The following CACNA1A variants were observed in gnomAD, a reference collection of about 807,000 sequenced individuals.
CACNA1A encodes the protein calcium voltage-gated channel subunit alpha1 A, also known as voltage-dependent P/Q-type calcium channel subunit alpha-1A.
In CACNA1A, 57 loss-of-function variants were observed where a neutral mutation model predicts 262.4. The observed-to-expected ratio is 0.22, with a 90% CI of 0.18 to 0.27. The LOEUF is 0.27. Ranked by LOEUF, CACNA1A falls within the 10% of genes least tolerant of loss-of-function variation. CACNA1A has a pLI of 1.00. For synonymous variants in CACNA1A, 1,431 were observed against 1,419.3 expected (o/e 1.01, Z -0.18); for missense variants, 2,526 against 3,562.8 (o/e 0.71, Z 7.41).
In CACNA1A at chr19:13,415,109, G is replaced by A. The variant is rs988939642; in HGVS notation, c.539+37767C>T. On this transcript the variant is annotated intron_variant, in intron 3 of 46. Transcript: ENST00000360228. ...TGGGATGAGGAGGGCATAGGAGATGGGCTGTATTCCCAGGGAGCTTAAAGG... is the reference window on the plus strand; with the variant it reads ...TGGGATGAGGAGGGCATAGGAGATGAGCTGTATTCCCAGGGAGCTTAAAGG... Among the ~76,000 whole-genome samples the A allele has an allele frequency of 2.0e-5, 3 of 152,034 alleles. No homozygotes were observed. In the East Asian group the frequency reaches 5.8e-4, roughly 29 times the overall value.
intron 22 of CACNA1A, among the ~76,000 whole-genome samples, chr19:13,280,495 C>T (rs1231044452): frequency 1.3e-5 from 2 of 151,966 alleles, no homozygotes; most frequent in Non-Finnish European, 2.9e-5. Flanking sequence ...ATCTGGCCTC[C>T]TGGAGAAATT....
chr19:13,503,744 G>A (rs964648334), intron 1 of CACNA1A, among the ~76,000 whole-genome samples: 1 of 151,582 alleles, frequency 6.6e-6, no homozygotes, highest in Non-Finnish European at 1.5e-5. Context: ...TCCAGAGTAG[G>A]GCTGTATAAT....
intron 3 of CACNA1A, among the ~76,000 whole-genome samples, chr19:13,410,460 G>A (rs1452932824): frequency 1.3e-5 from 2 of 151,268 alleles, no homozygotes; most frequent in African/African-American, 4.9e-5. Flanking sequence ...TCAAATTCCC[G>A]AGGTCTCAGC....
In CACNA1A at chr19:13,235,047, G is replaced by A. The variant is rs41276882; in HGVS notation, c.5134-11C>T. 2.6e-5 allele frequency: 41 copies of A among 1,597,982 alleles called. No individual in the cohort carries two copies. In the Middle Eastern group the frequency reaches 5.0e-4, roughly 19 times the overall value. On this transcript the variant is annotated splice_polypyrimidine_tract_variant and intron_variant, in intron 33 of 46. Transcript: ENST00000360228. ...AATGTTACCAAACACCTGTGGAATT[G>A]GAGGGTGACGACCAGGGGCTGCCAT...
intron 34 of CACNA1A, among the ~76,000 whole-genome samples, chr19:13,233,074 C>G (rs557527916): frequency 6.6e-6 from 1 of 151,984 alleles, no homozygotes; most frequent in African/African-American, 2.4e-5. Context: ...AAAAAGCTCC[C>G]CTCCATGAAG....
chr19:13,308,694 A>G lies in CACNA1A; in HGVS notation c.1669-166T>C, dbSNP rs2057957106. On this transcript the variant is annotated intron_variant, in intron 12 of 46. Transcript: ENST00000360228. This position sits in a 1 kb window ranked among gnomAD's most constrained non-coding sequence, Gnocchi z 4.2. Reference sequence around the variant, plus strand: ...CTCATTCATCCATTCATTTATCTATAGAGACCGGGTCTCACTGTGTCACCC... The same window carrying G: ...CTCATTCATCCATTCATTTATCTATGGAGACCGGGTCTCACTGTGTCACCC... The G allele has an allele frequency of 1.8e-6, 1 of 558,980 alleles. No individual in the cohort carries two copies. The allele number at this position is 558,980 out of a possible 1,614,324, so 34.6% of individuals were successfully genotyped here.
rs144749599 is a variant in CACNA1A, at chr19:13,427,635, A to G, written c.539+25241T>C. On this transcript the variant is annotated intron_variant, in intron 3 of 46. Coordinates refer to ENST00000360228, the MANE Select transcript of CACNA1A (RefSeq NM_001127222.2). ...TGCTTTGATCTCTCTCTCTCCATAAAATGTGGATCATGAAAAACAACCCTT... is the reference window on the plus strand; with the variant it reads ...TGCTTTGATCTCTCTCTCTCCATAAGATGTGGATCATGAAAAACAACCCTT... Among the ~76,000 whole-genome samples the G allele has an allele frequency of 6.7e-4, 102 of 152,198 alleles. No individual in the cohort carries two copies. In the East Asian group the frequency reaches 0.018, roughly 26 times the overall value.
At chr19:13,376,446 A>G (rs1246175750) in intron 3 of CACNA1A, among the ~76,000 whole-genome samples, 2 of 151,992 alleles carry the variant, frequency 1.3e-5, no homozygotes, top group Non-Finnish European at 2.9e-5. Flanking sequence ...CCTGTGCTCT[A>G]TAAATGGAAC....
intron 31 of CACNA1A, chr19:13,244,252 A>T (rs993564025): frequency 1.3e-5 from 2 of 152,188 alleles, no homozygotes; most frequent in Non-Finnish European, 2.9e-5. Context: ...TCCACCAGTG[A>T]GGTCTGCATT....
At chr19:13,330,685 A>G (rs2058452449) in intron 9 of CACNA1A, among the ~76,000 whole-genome samples, 1 of 152,100 alleles carries the variant, frequency 6.6e-6, no homozygotes. Context: ...CTGCCTCCTG[A>G]GTTCAAGCGA....
At chr19:13,474,425 G>C (rs762390635) in intron 1 of CACNA1A, among the ~76,000 whole-genome samples, 1 of 152,152 alleles carries the variant, frequency 6.6e-6, no homozygotes, top group South Asian at 2.1e-4. Context: ...AAACATTGCA[G>C]GTTCTAGAAC....
intron 3 of CACNA1A, among the ~76,000 whole-genome samples, chr19:13,397,011 G>A (rs2059822391): frequency 6.6e-6 from 1 of 152,192 alleles, no homozygotes; most frequent in Non-Finnish European, 1.5e-5. Flanking sequence ...TCAAACAGCC[G>A]TTATCTATTT....
At chr19:13,423,717 G>C (rs941088740) in intron 3 of CACNA1A, among the ~76,000 whole-genome samples, 1 of 151,752 alleles carries the variant, frequency 6.6e-6, no homozygotes, top group Non-Finnish European at 1.5e-5. Context: ...GTTTTGCCAC[G>C]TTGCCCAGTC....
chr19:13,453,101 C>A, intron 2 of CACNA1A, 86 bp from the exon 3 acceptor site: 1 of 1,382,010 alleles, frequency 7.2e-7, no homozygotes, highest in Non-Finnish European at 1.0e-6. Flanking sequence ...GAAATCAGTA[C>A]CTATCACCCT....
At chr19:13,437,691 CAAAAAAAAAA>C (rs35266881) in intron 3 of CACNA1A, among the ~76,000 whole-genome samples, 4 of 64,944 alleles carry the variant, frequency 6.2e-5, no homozygotes, top group Non-Finnish European at 1.3e-4. Flanking sequence ...AACCCCATCT[CAAAAAAAAAA>C]AAAAAAAAAA....
chr19:13,231,002 GT>G (rs753784282), intron 35 of CACNA1A, among the ~76,000 whole-genome samples: 1,897 of 148,758 alleles, frequency 0.013, 32 homozygotes, highest in East Asian at 0.07. Flanking sequence ...TTTTTTTTTT[GT>G]TTGTTTTTGT....
At chr19:13,288,829 G>T (rs1312294782) in intron 19 of CACNA1A, among the ~76,000 whole-genome samples, 1 of 152,130 alleles carries the variant, frequency 6.6e-6, no homozygotes, top group Non-Finnish European at 1.5e-5. Context: ...TCCCCAGAGG[G>T]CTTCCCACTG....
chr19:13,208,031 C>G lies in CACNA1A; in HGVS notation c.6803G>C (p.Ser2268Thr). 1 of 1,302,700 alleles carries G rather than the reference C, an allele frequency of 7.7e-7. No homozygotes were observed. Among genetic ancestry groups the G allele is most frequent in the Non-Finnish European group, 9.7e-7 (1 of 1,030,114 alleles). 80.7% of individuals were successfully genotyped at this position (1,302,700 alleles called of 1,614,324 possible). The change falls in exon 47 of 47, where the codon AGC becomes ACC. Residue 2268 changes from serine (S) to threonine (T), a missense_variant. Around this residue, in one of 17 missense-constraint regions of CACNA1A, gnomAD observed 929 missense variants for 868.1 expected, o/e 1.07. Coordinates refer to ENST00000360228, the MANE Select transcript of CACNA1A (RefSeq NM_001127222.2). The part of the protein sequence containing the change: ...HRQGSSSVSG[S>T]PAPSTSGTST... ...GGTACCAGATGTTGAGGGGGCTGGG[C>G]TTCCACTTACGGAACTACTGCCCTA...
intron 11 of CACNA1A, chr19:13,316,557 A>AC: frequency 6.6e-6 from 1 of 151,640 alleles, no homozygotes; most frequent in East Asian, 1.9e-4. Flanking sequence ...GTGGTTAAAA[A>AC]AAAAAAAAAA....
Sources: allele counts gnomAD v4.1 joint callset (sites outside exome capture counted in the v4.1 genomes callset), GRCh38; gene constraint gnomAD v4.1.1; regional missense constraint gnomAD v4.1.1; non-coding constraint Gnocchi (gnomAD v3.1); transcripts MANE v1.5; gene names NCBI Gene and HGNC (gene_info 2026-07-23, HGNC 2026-07-21).